LOXL4: variants seen among roughly 807,000 people sequenced by gnomAD.
LOXL4 encodes the protein lysyl oxidase homolog 4.
In LOXL4, 72 loss-of-function variants were observed where a neutral mutation model predicts 89.1. The ratio of observed to expected loss-of-function variants is 0.81; its 90% CI spans 0.67 to 0.98. LOXL4 has a LOEUF of 0.98. LOXL4 is among the 50% of genes least tolerant of loss of function. The pLI is 0.00. For missense variants in LOXL4, 984 were observed against 1,017.5 expected (o/e 0.97, Z 0.45); for synonymous variants, 355 against 392.1 (o/e 0.91, Z 1.12).
intron 8 of LOXL4, among the ~76,000 whole-genome samples, chr10:98,257,293 G>C (rs2135833939): frequency 6.6e-6 from 1 of 152,318 alleles, no homozygotes; most frequent in South Asian, 2.1e-4. Context: ...TTTTACAGTG[G>C]CACCAGTGAC....
intron 4 of LOXL4, among the ~76,000 whole-genome samples, chr10:98,259,879 G>A (rs1306229736): frequency 6.6e-6 from 1 of 152,174 alleles, no homozygotes; most frequent in Non-Finnish European, 1.5e-5. Context: ...GGCAGGGGGA[G>A]TCAGGCTGCA....
chr10:98,251,441 T>A lies in LOXL4; in HGVS notation c.2088+125A>T, dbSNP rs892915930. 11 of 1,324,762 alleles carry A rather than the reference T, an allele frequency of 8.3e-6. No individual in the cohort carries two copies. The African/African-American group carries it at 1.3e-4, about 16-fold the overall frequency. 82.1% of individuals were successfully genotyped at this position (1,324,762 alleles called of 1,614,324 possible). A position where few individuals can be genotyped will look rare whatever the true frequency, so the allele number is the denominator to read the frequency against. ...ACTGTTACTTCCCTAACAGGACAGC[T>A]CCTTTAAGTGACAGGCCTGTCGGAA... On this transcript the variant is annotated intron_variant, in intron 13 of 14. Transcript: ENST00000260702.
Position 98,252,638 on chromosome 10 carries a change from T to C in LOXL4, c.1836-170A>G, listed in dbSNP as rs375663705. Among the ~76,000 whole-genome samples the C allele has an allele frequency of 3.3e-5, 5 of 152,236 alleles. No homozygotes were observed. The South Asian group carries it at 1.0e-3, about 32-fold the overall frequency. ...AGATTAGTGTGACGCACAGCCTCCT[T>C]TGCTGGCACCCCTGCCAGGCAGCAA... On this transcript the variant is annotated intron_variant, in intron 11 of 14. Transcript: ENST00000260702.
At chr10:98,264,047 A>G (rs545592495) in intron 1 of LOXL4, among the ~76,000 whole-genome samples, 1 of 151,932 alleles carries the variant, frequency 6.6e-6, no homozygotes, top group African/African-American at 2.4e-5. Context: ...CTTTATTTCT[A>G]AAGTGAGGAG....
Position 98,262,209 on chromosome 10 carries a change from G to A in LOXL4, c.282C>T (p.Pro94=), listed in dbSNP as rs1858562943. The A allele has an allele frequency of 2.5e-6, 4 of 1,613,400 alleles. No individual in the cohort carries two copies. The African/African-American group carries it at 5.3e-5, about 22-fold the overall frequency. The change falls in exon 3 of 15, where the codon CCC becomes CCT. Residue 94 remains proline (P), a synonymous_variant. Transcript: ENST00000260702. The part of the protein sequence containing the change: ...HSAKYGQGEG[P]IWLDNVRCVG... ...CACAGCGCACATTGTCCAGCCAGATGGGTCCTGTGGAGTGGAGGTGATGCT... is the reference window on the plus strand; with the variant it reads ...CACAGCGCACATTGTCCAGCCAGATAGGTCCTGTGGAGTGGAGGTGATGCT...
At chr10:98,262,339 G>A (rs943883711) in intron 2 of LOXL4, 126 bp from the exon 3 acceptor site, 140 of 946,016 alleles carry the variant, frequency 1.5e-4, no homozygotes, top group Admixed American at 2.1e-4. Flanking sequence ...GCAGGGAGGA[G>A]GAAGTTTGGG....
intron 13 of LOXL4, 104 bp downstream of exon 13, chr10:98,251,462 C>T (rs113644121): frequency 0.026 from 38,617 of 1,504,052 alleles, 597 homozygotes; most frequent in South Asian, 0.041. Flanking sequence ...ACAGGCCTGT[C>T]GGAAACCCTG....
intron 1 of LOXL4, among the ~76,000 whole-genome samples, chr10:98,266,529 G>A (rs942199505): frequency 6.6e-6 from 1 of 152,090 alleles, no homozygotes; most frequent in Non-Finnish European, 1.5e-5. Context: ...GAGGGCATGG[G>A]AGGGCTTCTG....
At chr10:98,252,201 A>C (rs749289248) in intron 12 of LOXL4, 152 bp downstream of exon 12, 21 of 639,640 alleles carry the variant, frequency 3.3e-5, no homozygotes, top group Non-Finnish European at 5.0e-5. Context: ...AGATTTCAGA[A>C]GGTAAGAAAT....
In LOXL4 at chr10:98,251,720, G is replaced by C. The variant is rs755661493; in HGVS notation, c.1952-18C>G. ...CTGCAGTCCTGTAAGGAAGGGGACA[G>C]ACAGGTTTTGAGGCAGGACGAAGCA... is the stretch of plus-strand genomic sequence containing the variant. On this transcript the variant is annotated intron_variant, in intron 12 of 14. Transcript: ENST00000260702. 39 of 1,613,588 alleles carry C rather than the reference G, an allele frequency of 2.4e-5. No homozygotes were observed. Among genetic ancestry groups the C allele is most frequent in the Non-Finnish European group, 3.2e-5 (38 of 1,179,844 alleles).
At chr10:98,252,493 T>A (rs745955149) in intron 11 of LOXL4, 25 bp from the exon 12 acceptor site, 1 of 1,531,044 alleles carries the variant, frequency 6.5e-7, no homozygotes, top group Non-Finnish European at 9.0e-7. Context: ...GAGCTGTCAG[T>A]GCGGCAGCAA....
In LOXL4 at chr10:98,258,007, G is replaced by A. The variant is rs1370160375; in HGVS notation, c.1079C>T (p.Ala360Val). Residue 360 changes from alanine (A) to valine (V), a missense_variant, in exon 7 of 15, where the codon GCC (alanine) becomes GTC (valine). Coordinates refer to ENST00000260702, the MANE Select transcript of LOXL4 (RefSeq NM_032211.7). ...TTGGCCCAGCCGGGCCCCAAAGAGG[G>A]CCTCCCGAGCAGAGCCAAAGCCCAG... is the stretch of plus-strand genomic sequence containing the variant. ...RQLGFGSAREALFGARLGQGL... is the reference protein window; with the variant it reads ...RQLGFGSAREVLFGARLGQGL... 11 of 1,613,740 alleles carry A rather than the reference G, an allele frequency of 6.8e-6. No homozygotes were observed. The highest frequency in any genetic ancestry group is 1.7e-5 in the Admixed American group (1 of 60,004).
chr10:98,258,050 T>C lies in LOXL4; in HGVS notation c.1036A>G (p.Ser346Gly), dbSNP rs763016455. 1 of 1,613,796 alleles carries C rather than the reference T, an allele frequency of 6.2e-7. No individual in the cohort carries two copies. Among genetic ancestry groups the C allele is most frequent in the African/African-American group, 1.3e-5 (1 of 75,068 alleles). Residue 346 changes from serine (S) to glycine (G), a missense_variant, in exon 7 of 15, where the codon AGT becomes GGT. Transcript: ENST00000260702. ...AAGCCCAGCTGACGACACACGACAC[T>C]GGCAGAGATGAGGTTCCACCTGTGG... ...CDHRWNLISASVVCRQLGFGS... is the reference protein window; with the variant it reads ...CDHRWNLISAGVVCRQLGFGS...
chr10:98,251,834 TGAATCCAGCACCATAGCAAAC>T, intron 12 of LOXL4, 132 bp from the exon 13 acceptor site: 1 of 1,099,954 alleles, frequency 9.1e-7, no homozygotes, highest in Non-Finnish European at 1.3e-6. Context: ...AATCCTGCTG[TGAATCCAGCACCATAGCAAAC>T]CACATTGTGA....
rs1471903357 is a variant in LOXL4 at position 98,262,015 on chromosome 10, A to G, written c.456+20T>C. The G allele has an allele frequency of 6.3e-7, 1 of 1,594,586 alleles. No individual in the cohort carries two copies. The highest frequency in any genetic ancestry group is 8.5e-7 in the Non-Finnish European group (1 of 1,171,148). On this transcript the variant is annotated intron_variant, in intron 3 of 14. Transcript: ENST00000260702. Reference sequence around the variant, plus strand: ...TGACCCAGCCCTTGGCTCAGACCAGAGCCTGAACAGCCTCCTCACCTGGGG... The same window carrying G: ...TGACCCAGCCCTTGGCTCAGACCAGGGCCTGAACAGCCTCCTCACCTGGGG...
chr10:98,264,605 TAGAG>T (rs1202954654), intron 1 of LOXL4, among the ~76,000 whole-genome samples: 4 of 151,864 alleles, frequency 2.6e-5, no homozygotes, highest in African/African-American at 7.3e-5. Flanking sequence ...TTTGGGTCCT[TAGAG>T]AGGGGATGAG....
rs1858106526 is a variant in LOXL4 at position 98,248,816 on chromosome 10, G to A, written c.*105C>T. 5 of 1,014,006 alleles carry A rather than the reference G, an allele frequency of 4.9e-6. No homozygotes were observed. The South Asian group carries it at 7.5e-5, about 15-fold the overall frequency. The allele number at this position is 1,014,006 out of a possible 1,614,324, so 62.8% of individuals were successfully genotyped here. A position where few individuals can be genotyped will look rare whatever the true frequency, so the allele number is the denominator to read the frequency against. On this transcript the variant is annotated 3_prime_UTR_variant, in exon 15 of 15. Transcript: ENST00000260702. ...CCTGAGCAGGTTCTTGGTGCCCCTT[G>A]GCACTGGCCCTTTTCCTCTGAGTTG...
At chr10:98,264,880 A>T (rs1173959219) in intron 1 of LOXL4, among the ~76,000 whole-genome samples, 2 of 152,216 alleles carry the variant, frequency 1.3e-5, no homozygotes, top group African/African-American at 4.8e-5. Flanking sequence ...CTCTTGGGGA[A>T]TCATGCAGCT....
chr10:98,261,975 A>AGGCT (rs1368458849), intron 3 of LOXL4, 60 bp downstream of exon 3: 7 of 1,497,554 alleles, frequency 4.7e-6, no homozygotes, highest in Non-Finnish European at 5.4e-6. Context: ...GTCTTCTGGG[A>AGGCT]GGCTCTCTGT....
Sources: allele counts gnomAD v4.1 joint callset (sites outside exome capture counted in the v4.1 genomes callset), GRCh38; gene constraint gnomAD v4.1.1; transcripts MANE v1.5; gene names NCBI Gene and HGNC (gene_info 2026-07-23, HGNC 2026-07-21).